The following ADNP variants were observed in gnomAD, a reference collection of about 807,000 sequenced individuals.
ADNP encodes activity-dependent neuroprotector homeobox protein.
A neutral mutation model predicts 84.9 loss-of-function variants in ADNP; 4 were observed. That is an observed-to-expected ratio of 0.05 (90% CI 0.02 to 0.11). The LOEUF (loss-of-function observed/expected upper bound fraction) is 0.11, where lower values mean the gene tolerates loss of function less well. ADNP is among the 10% of genes least tolerant of loss of function. The pLI is 1.00. For synonymous variants in ADNP, 554 were observed against 468.1 expected, an observed-to-expected ratio of 1.18 and a Z score of -2.37; for missense variants, 1,132 against 1,326.0, an observed-to-expected ratio of 0.85 and a Z score of 2.27.
At chr20:50,921,191 G>A (rs1983934046) in intron 2 of ADNP, among the ~76,000 whole-genome samples, 1 of 152,214 alleles carries the variant, frequency 6.6e-6, no homozygotes, top group Admixed American at 6.5e-5. Context: ...GTTCACACCA[G>A]GGCATAACCT....
intron 3 of ADNP, 184 bp downstream of exon 3, chr20:50,904,582 G>T (rs1174040887): frequency 6.6e-6 from 1 of 152,216 alleles, no homozygotes; most frequent in Non-Finnish European, 1.5e-5. Flanking sequence ...GATTTTCCCA[G>T]TTTTTAACAG....
intron 2 of ADNP, among the ~76,000 whole-genome samples, chr20:50,910,442 A>C (rs1240676334): frequency 6.6e-6 from 1 of 152,178 alleles, no homozygotes; most frequent in Non-Finnish European, 1.5e-5. Context: ...ATGTTTCTAT[A>C]AGAAAGCATG....
chr20:50,928,694 G>A lies in ADNP; in HGVS notation c.-133C>T, dbSNP rs2123020890. On this transcript the variant is annotated 5_prime_UTR_variant, in exon 2 of 6. Transcript: ENST00000621696. The stretch of plus-strand genomic sequence containing the variant: ...TGGTCCAAAGAGCAAGGCAGGAAAC[G>A]GAGTCCAGATCCTCAAAATGGTAGT... 1 of 152,322 alleles carries A rather than the reference G, an allele frequency of 6.6e-6. No homozygotes were observed. Among genetic ancestry groups the A allele is most frequent in the Non-Finnish European group, 1.5e-5 (1 of 68,046 alleles). The allele number at this position is 152,322 out of a possible 1,614,324, so 9.4% of individuals were successfully genotyped here. A position where few individuals can be genotyped will look rare whatever the true frequency, so the allele number is the denominator to read the frequency against.
At chr20:50,925,313 A>G (rs1600996724) in intron 2 of ADNP, among the ~76,000 whole-genome samples, 1 of 150,604 alleles carries the variant, frequency 6.6e-6, no homozygotes, top group African/African-American at 2.4e-5. Flanking sequence ...GTTGGCTCAT[A>G]TATACCAACT....
At position 50,894,367 on chromosome 20, in the gene ADNP, G is replaced by C. The variant is rs774846069; in HGVS notation, c.347C>G (p.Ala116Gly). ...GTGTGTTTCCAAAGTCTTTTTGTCT[G>C]CATTGAAGGTACAGTAGGGGCAATT... Reference protein sequence around the residue: ...LLNCPYCTFNADKKTLETHIK... With the variant: ...LLNCPYCTFNGDKKTLETHIK... The change falls in exon 6 of 6, where the codon GCA (alanine) becomes GGA (glycine). Residue 116 changes from alanine (A) to glycine (G), a missense_variant. This residue lies in a region of ADNP where 130 missense variants were observed against 183.7 expected (regional missense o/e 0.71). Transcript: ENST00000621696. The C allele has an allele frequency of 1.9e-6, 3 of 1,613,928 alleles. No individual in the cohort carries two copies. The highest frequency in any genetic ancestry group is 2.7e-5 in the African/African-American group (2 of 74,872).
rs1469335814 is a variant in ADNP at position 50,891,968 on chromosome 20, T to A, written c.2746A>T (p.Ile916Phe). The change falls in exon 6 of 6, where the codon ATT becomes TTT. Residue 916 changes from isoleucine to phenylalanine, a missense_variant. Ile to Phe is a conservative substitution (Grantham distance 21, BLOSUM62 0). Around this residue, in one of 10 missense-constraint regions of ADNP, gnomAD observed 381 missense variants for 319.9 expected, o/e 1.19. Transcript: ENST00000621696. Reference protein sequence around the residue: ...DNPEEHVLKVIPEDASESEEK... With the variant: ...DNPEEHVLKVFPEDASESEEK... ...TCAGATTCTGAAGCATCCTCAGGAA[T>A]TACCTTCAGTACATGTTCCTCTGGG... The A allele has an allele frequency of 1.4e-5, 23 of 1,614,230 alleles. No individual in the cohort carries two copies. Among genetic ancestry groups the A allele is most frequent in the Non-Finnish European group, 1.9e-5 (22 of 1,180,028 alleles).
At chr20:50,930,616 C>G (rs1334545834) in intron 1 of ADNP, among the ~76,000 whole-genome samples, 1 of 151,994 alleles carries the variant, frequency 6.6e-6, no homozygotes, top group Non-Finnish European at 1.5e-5. Context: ...CCTGGACCTC[C>G]GGAGCAGAGT....
At chr20:50,895,895 CTT>C (rs1214189070) in intron 5 of ADNP, among the ~76,000 whole-genome samples, 1 of 152,136 alleles carries the variant, frequency 6.6e-6, no homozygotes, top group Non-Finnish European at 1.5e-5. Context: ...AAATTTTTAA[CTT>C]TTTGACTCTT....
In ADNP at chr20:50,892,901, C is replaced by T; in HGVS notation, c.1813G>A (p.Val605Ile). ...PKVQEKADIP[V>I]KSSPQAAVPY... is the part of the protein sequence containing the mutation. ...ACTGCAGCTTGAGGTGAACTTTTTA[C>T]AGGGATATCTGCCTTTTCCTGAACC... Residue 605 changes from valine to isoleucine, a missense_variant, in exon 6 of 6, where the codon GTA (valine) becomes ATA (isoleucine). Val to Ile is a conservative substitution (Grantham distance 29). Around this residue, in one of 10 missense-constraint regions of ADNP, gnomAD observed 53 missense variants for 39.8 expected, o/e 1.33. Transcript: ENST00000621696. 1 of 1,614,230 alleles carries T rather than the reference C, an allele frequency of 6.2e-7. No homozygotes were observed. The highest frequency in any genetic ancestry group is 8.5e-7 in the Non-Finnish European group (1 of 1,180,044).
chr20:50,919,177 G>A (rs942141640), intron 2 of ADNP, among the ~76,000 whole-genome samples: 1 of 151,804 alleles, frequency 6.6e-6, no homozygotes, highest in South Asian at 2.1e-4. Context: ...GCAGGACAAG[G>A]GTGCCATCTC....
intron 3 of ADNP, 53 bp downstream of exon 3, chr20:50,904,713 T>TTAG (rs1982306915): frequency 6.6e-6 from 1 of 152,166 alleles, no homozygotes; most frequent in African/African-American, 2.4e-5. Context: ...AAATCAAGTG[T>TTAG]TAGTGCTTTT....
chr20:50,925,286 ACACACT>A (rs1173659410), intron 2 of ADNP, among the ~76,000 whole-genome samples: 1 of 151,216 alleles, frequency 6.6e-6, no homozygotes, highest in African/African-American at 2.5e-5. Flanking sequence ...ACACACACAC[ACACACT>A]ACATAATCAA....
intron 2 of ADNP, among the ~76,000 whole-genome samples, chr20:50,921,115 T>G (rs1983930507): frequency 6.6e-6 from 1 of 152,220 alleles, no homozygotes; most frequent in African/African-American, 2.4e-5. Flanking sequence ...AGTTAATGCT[T>G]AAGTCAGTTA....
chr20:50,911,398 T>C (rs1456784142), intron 2 of ADNP, among the ~76,000 whole-genome samples: 1 of 152,232 alleles, frequency 6.6e-6, no homozygotes, highest in African/African-American at 2.4e-5. Flanking sequence ...GGGTCTAGTT[T>C]CATTCTTCTG....
At chr20:50,929,740 G>A (rs751486025) in intron 1 of ADNP, among the ~76,000 whole-genome samples, 1 of 151,724 alleles carries the variant, frequency 6.6e-6, no homozygotes. Context: ...TCATTCTGAA[G>A]GTTCAAGATA....
rs111899848 is a variant in ADNP at position 50,892,351 on chromosome 20, T to C, written c.2363A>G (p.Lys788Arg). The C allele has an allele frequency of 1.1e-5, 18 of 1,614,094 alleles. No homozygotes were observed. The highest frequency in any genetic ancestry group is 1.5e-5 in the Non-Finnish European group (18 of 1,180,052). Residue 788 changes from lysine to arginine, a missense_variant, in exon 6 of 6, where the codon AAG becomes AGG. By Grantham distance (26) the Lys-to-Arg change is conservative. Around this residue, in one of 10 missense-constraint regions of ADNP, gnomAD observed 41 missense variants for 78.4 expected, o/e 0.52. Transcript: ENST00000621696. ...CCATAACCATAAACTGGCTGCTAGC[T>C]TCTCAATTTCTCTCCTGGTGGGATA... Reference protein sequence around the residue: ...QPYPTRREIEKLAASLWLWKS... With the variant: ...QPYPTRREIERLAASLWLWKS...
intron 5 of ADNP, 144 bp from the exon 6 acceptor site, chr20:50,894,656 A>T: frequency 1.1e-6 from 1 of 875,836 alleles, no homozygotes; most frequent in Non-Finnish European, 1.7e-6. Context: ...GCACTTTGGG[A>T]GGCTGAGGTG....
intron 2 of ADNP, among the ~76,000 whole-genome samples, chr20:50,920,894 G>A (rs1440115659): frequency 6.6e-6 from 1 of 152,152 alleles, no homozygotes; most frequent in Non-Finnish European, 1.5e-5. Context: ...GGGTGACATA[G>A]CACAGTAAAG....
At position 50,891,736 on chromosome 20, in the gene ADNP, G is replaced by A. The variant is rs1251589256; in HGVS notation, c.2978C>T (p.Pro993Leu). The A allele has an allele frequency of 2.5e-6, 4 of 1,614,098 alleles. No individual in the cohort carries two copies. The highest frequency in any genetic ancestry group is 2.2e-5 in the South Asian group (2 of 91,084). Residue 993 changes from proline to leucine, a missense_variant, in exon 6 of 6, where the codon CCA becomes CTA. By Grantham distance (98) the Pro-to-Leu change is moderately conservative. Around this residue, in one of 10 missense-constraint regions of ADNP, gnomAD observed 381 missense variants for 319.9 expected, o/e 1.19. Transcript: ENST00000621696. ...DFEDNTCEMK[P>L]GTWSDESSQS... is the part of the protein sequence containing the mutation. ...GGAAGACTCGTCAGACCAGGTTCCT[G>A]GTTTCATTTCGCAGGTATTGTCCTC...
Sources: allele counts gnomAD v4.1 joint callset (sites outside exome capture counted in the v4.1 genomes callset), GRCh38; gene constraint gnomAD v4.1.1; regional missense constraint gnomAD v4.1.1; transcripts MANE v1.5; gene names NCBI Gene and HGNC (gene_info 2026-07-23, HGNC 2026-07-21).